Variants in MARCHF1 observed in about 807,000 individuals in gnomAD.
The protein encoded by MARCHF1 is E3 ubiquitin-protein ligase MARCHF1.
MARCHF1 carries 40 observed loss-of-function variants against 54.2 expected under a neutral mutation model. The observed-to-expected ratio is 0.74, with a 90% CI of 0.57 to 0.96. The LOEUF is 0.96. Among genes scored for constraint, MARCHF1 ranks in the 40% least tolerant of loss-of-function variants. The pLI is 0.00. For missense variants in MARCHF1, 586 were observed against 656.5 expected, an observed-to-expected ratio of 0.89 and a Z score of 1.17; for synonymous variants, 236 against 236.3, an observed-to-expected ratio of 1.00 and a Z score of 0.01.
intron 1 of MARCHF1, chr4:164,190,136 T>G: frequency 6.5e-7 from 1 of 1,546,098 alleles, no homozygotes; most frequent in Non-Finnish European, 8.8e-7. Context: ...AACTTTCCTC[T>G]GAAGATAAGG....
intron 3 of MARCHF1, among the ~76,000 whole-genome samples, chr4:163,875,719 C>G (rs760551260): frequency 1.3e-5 from 2 of 152,120 alleles, no homozygotes; most frequent in East Asian, 3.8e-4. Context: ...CTGCCTAATT[C>G]GTATTTTGCA....
intron 4 of MARCHF1, among the ~76,000 whole-genome samples, chr4:163,760,033 C>A (rs894142925): frequency 6.6e-6 from 1 of 152,206 alleles, no homozygotes. Context: ...GGTGGAAGGT[C>A]TGAAATGTGT....
intron 7 of MARCHF1, among the ~76,000 whole-genome samples, chr4:163,593,474 T>C (rs943297773): frequency 6.6e-6 from 1 of 152,198 alleles, no homozygotes; most frequent in Non-Finnish European, 1.5e-5. Context: ...TGTATATACA[T>C]AATAACAGCT....
chr4:163,846,030 C>A (rs1440235761), intron 4 of MARCHF1, among the ~76,000 whole-genome samples: 2 of 152,114 alleles, frequency 1.3e-5, no homozygotes, highest in Non-Finnish European at 2.9e-5. Context: ...TGCTTAATTT[C>A]TCTCATTTGT....
intron 7 of MARCHF1, among the ~76,000 whole-genome samples, chr4:163,595,947 G>T (rs77352946): frequency 0.034 from 5,158 of 151,636 alleles, 302 homozygotes; most frequent in East Asian, 0.19. Context: ...TAAACTATTT[G>T]CCCATAAAAA....
chr4:163,556,640 A>T (rs992736813), intron 8 of MARCHF1, among the ~76,000 whole-genome samples: 1 of 151,968 alleles, frequency 6.6e-6, no homozygotes, highest in Non-Finnish European at 1.5e-5. Context: ...ATAAAACAGA[A>T]TATATATTTG....
intron 1 of MARCHF1, among the ~76,000 whole-genome samples, chr4:164,134,683 G>A (rs17044532): frequency 0.044 from 6,633 of 151,978 alleles, 482 homozygotes; most frequent in African/African-American, 0.15. Context: ...TTCCAAGGAG[G>A]AGACCTGAGG....
intron 3 of MARCHF1, among the ~76,000 whole-genome samples, chr4:163,859,207 C>T (rs1281744404): frequency 1.3e-5 from 2 of 152,090 alleles, no homozygotes; most frequent in African/African-American, 4.8e-5. Flanking sequence ...AATTTTGCCT[C>T]TACCTTGCAA....
At chr4:164,341,878 G>A (rs1214676490) in intron 1 of MARCHF1, among the ~76,000 whole-genome samples, 1 of 152,136 alleles carries the variant, frequency 6.6e-6, no homozygotes, top group Non-Finnish European at 1.5e-5. Context: ...AACAAATTAA[G>A]TAAAGTTGAA....
chr4:163,890,445 T>C (rs773248027), intron 3 of MARCHF1, among the ~76,000 whole-genome samples: 3 of 152,138 alleles, frequency 2.0e-5, no homozygotes, highest in Admixed American at 6.6e-5. Context: ...GTGTGGACTT[T>C]AGAGCTAGAC....
chr4:164,218,736 T>G (rs1732004198), intron 1 of MARCHF1, among the ~76,000 whole-genome samples: 1 of 148,622 alleles, frequency 6.7e-6, no homozygotes, highest in African/African-American at 2.5e-5. Context: ...CATTAGGAGA[T>G]ATATCTAATG....
chr4:163,675,650 A>G (rs1743887214), intron 5 of MARCHF1, among the ~76,000 whole-genome samples: 1 of 152,078 alleles, frequency 6.6e-6, no homozygotes, highest in African/African-American at 2.4e-5. Flanking sequence ...GATAGATATT[A>G]GTAAATTAGT....
intron 9 of MARCHF1, among the ~76,000 whole-genome samples, chr4:163,545,266 C>A (rs1738858715): frequency 1.3e-5 from 2 of 152,192 alleles, no homozygotes; most frequent in South Asian, 4.1e-4. Context: ...TTCATTTTTA[C>A]AGCCATTTGC....
At chr4:164,356,106 T>C (rs976263773) in intron 1 of MARCHF1, among the ~76,000 whole-genome samples, 4 of 131,728 alleles carry the variant, frequency 3.0e-5, no homozygotes, top group African/African-American at 1.1e-4. Context: ...CATTAAAAAG[T>C]CAGGAAACAA....
chr4:163,848,729 A>T (rs959391643), intron 4 of MARCHF1, among the ~76,000 whole-genome samples: 1 of 152,164 alleles, frequency 6.6e-6, no homozygotes, highest in African/African-American at 2.4e-5. Context: ...CTTAGGTTAC[A>T]ATTGTGAGGA....
intron 1 of MARCHF1, among the ~76,000 whole-genome samples, chr4:164,338,901 G>A (rs762295024): frequency 6.6e-5 from 10 of 152,102 alleles, no homozygotes; most frequent in African/African-American, 1.2e-4. Context: ...GAACCTGGGA[G>A]GCGGAGATTG....
At chr4:163,691,502 G>A (rs1449619834) in intron 5 of MARCHF1, among the ~76,000 whole-genome samples, 1 of 152,108 alleles carries the variant, frequency 6.6e-6, no homozygotes, top group Non-Finnish European at 1.5e-5. Context: ...TAAGAGAATG[G>A]CAGCCAGGGA....
chr4:163,954,453 AT>A (rs1752193570), intron 3 of MARCHF1, among the ~76,000 whole-genome samples: 2 of 152,146 alleles, frequency 1.3e-5, no homozygotes, highest in Admixed American at 1.3e-4. Flanking sequence ...CGTAAAAACA[AT>A]TTTCTCATTT....
chr4:163,769,077 G>A (rs1247444952), intron 4 of MARCHF1, among the ~76,000 whole-genome samples: 2 of 152,094 alleles, frequency 1.3e-5, no homozygotes, highest in Non-Finnish European at 2.9e-5. Context: ...TCTCTGCTGT[G>A]CTTTTTAAAA....
Sources: gnomAD v4.1 joint callset for allele counts (sites outside exome capture counted in the v4.1 genomes callset) on GRCh38, gnomAD v4.1.1 for gene constraint, MANE v1.5 for transcripts, NCBI Gene and HGNC (gene_info 2026-07-23, HGNC 2026-07-21) for gene names.